The following TNFRSF1A variants were observed in gnomAD, a reference collection of about 807,000 sequenced individuals.
TNFRSF1A encodes the protein TNF receptor superfamily member 1A, also known as tumor necrosis factor receptor superfamily member 1A.
Under a neutral mutation model 41.6 loss-of-function variants are expected in TNFRSF1A, and 9 were observed. The observed-to-expected ratio is 0.22, with a 90% confidence interval of 0.13 to 0.38. The LOEUF (loss-of-function observed/expected upper bound fraction) is 0.38. Ranked by LOEUF, TNFRSF1A falls within the 10% of genes least tolerant of loss-of-function variation. The pLI, the probability that TNFRSF1A is intolerant of heterozygous loss-of-function variation, is 1.00. For missense variants in TNFRSF1A, 463 were observed against 591.5 expected, an observed-to-expected ratio of 0.78 and a Z score of 2.25; for synonymous variants, 254 against 248.6, an observed-to-expected ratio of 1.02 and a Z score of -0.21.
Position 6,337,213 on chromosome 12 carries a change from TCAG to T in TNFRSF1A, c.40-2972_40-2970del, listed in dbSNP as rs1467720115. Reference sequence around the variant, plus strand: ...CAGCTGGCCCCAGTAAGCCCAGTCCTCAGCAGTTGCGTAAATGAAGCAAAACAG... The same window carrying T: ...CAGCTGGCCCCAGTAAGCCCAGTCCTCAGTTGCGTAAATGAAGCAAAACAG... On this transcript the variant is annotated intron_variant, in intron 1 of 9. Coordinates refer to ENST00000162749, the MANE Select transcript of TNFRSF1A (RefSeq NM_001065.4). The surrounding 1 kb of genome is among the most constrained non-coding windows in gnomAD (Gnocchi z 4.6). Among the ~76,000 whole-genome samples, 20 of 152,314 alleles carry T rather than the reference TCAG, an allele frequency of 1.3e-4. No individual in the cohort carries two copies. Among genetic ancestry groups the T allele is most frequent in the African/African-American group, 4.6e-4 (19 of 41,562 alleles).
rs1224128146 is a variant in TNFRSF1A at position 6,330,036 on chromosome 12, G to C, written c.799C>G (p.Leu267Val). 1.9e-6 allele frequency: 3 copies of C among 1,612,766 alleles called. No homozygotes were observed. The African/African-American group carries it at 4.0e-5, about 22-fold the overall frequency. Residue 267 changes from leucine to valine, a missense_variant, in exon 9 of 10, where the codon CTG becomes GTG. This residue lies in a region of TNFRSF1A where 277 missense variants were observed against 288.8 expected (regional missense o/e 0.96). Transcript: ENST00000162749. ...GELEGTTTKP[L>V]APNPSFSPTP... ...GGACTGAAGCTTGGGTTTGGGGCCA[G>C]GGGCTTAGTAGTAGTTCCTTCAAGC...
In TNFRSF1A at chr12:6,330,165, G is replaced by A. The variant is rs932483397; in HGVS notation, c.769-99C>T. 98 of 1,610,994 alleles carry A rather than the reference G, an allele frequency of 6.1e-5. No homozygotes were observed. The African/African-American group carries it at 9.6e-4, about 16-fold the overall frequency. On this transcript the variant is annotated intron_variant, in intron 8 of 9. Transcript: ENST00000162749. ...GGTTGGGACTTAGAGGGAATGAGGC[G>A]AGCCCCCGGAAAGTGAAGGATGATT... is the stretch of plus-strand genomic sequence containing the variant.
chr12:6,339,454 A>C (rs1359104615), intron 1 of TNFRSF1A, among the ~76,000 whole-genome samples: 1 of 152,160 alleles, frequency 6.6e-6, no homozygotes. Context: ...AGTCAAAGAC[A>C]GTCAGTTGTA....
chr12:6,329,204 G>T lies in TNFRSF1A; in HGVS notation c.*108C>A. 8.9e-7 allele frequency: 1 copy of T among 1,123,010 alleles called. No individual in the cohort carries two copies. The highest frequency in any genetic ancestry group is 1.2e-6 in the Non-Finnish European group (1 of 829,844). 69.6% of individuals were successfully genotyped at this position (1,123,010 alleles called of 1,614,324 possible). On this transcript the variant is annotated 3_prime_UTR_variant, in exon 10 of 10. Transcript: ENST00000162749. ...TCGAGGGGTTAGCACCAAGTAGGCG[G>T]CTGCTAGCTCCTGCTTGCCCCTGCA...
At position 6,333,953 on chromosome 12, in the gene TNFRSF1A, G is replaced by T; in HGVS notation, c.194-88C>A. ...GGACAACAGCCAGGGCCGATTCCCT[G>T]AAGTCTCTAGGAGAGGAGGGAGGGA... is the stretch of plus-strand genomic sequence containing the variant. On this transcript the variant is annotated intron_variant, in intron 2 of 9. Transcript: ENST00000162749. The surrounding 1 kb of genome is among the most constrained non-coding windows in gnomAD (Gnocchi z 6.3). 6.2e-7 allele frequency: 1 copy of T among 1,608,156 alleles called. No homozygotes were observed. The highest frequency in any genetic ancestry group is 8.5e-7 in the Non-Finnish European group (1 of 1,176,610).
rs2136817715 is a variant in TNFRSF1A, at chr12:6,330,847, C to T, written c.625+6G>A. ...TGAGCATGGGCACCAGGTCACTTCT[C>T]CTCACCTGAGTCCTCAGTGCCCTTA... On this transcript the variant is annotated splice_donor_region_variant and intron_variant, in intron 6 of 9. Coordinates refer to ENST00000162749, the MANE Select transcript of TNFRSF1A (RefSeq NM_001065.4). 6.2e-7 allele frequency: 1 copy of T among 1,613,452 alleles called. No homozygotes were observed. The highest frequency in any genetic ancestry group is 1.1e-5 in the South Asian group (1 of 91,058).
At chr12:6,336,622 G>A (rs752397941) in intron 1 of TNFRSF1A, among the ~76,000 whole-genome samples, 1 of 150,528 alleles carries the variant, frequency 6.6e-6, no homozygotes, top group East Asian at 2.0e-4. Flanking sequence ...ATTCCATCCC[G>A]AAGGGAAGTC....
chr12:6,329,292 C>G lies in TNFRSF1A; in HGVS notation c.*20G>C, dbSNP rs1291208830. The G allele has an allele frequency of 8.2e-6, 12 of 1,455,296 alleles. No individual in the cohort carries two copies. In the South Asian group the frequency reaches 1.6e-4, roughly 19 times the overall value. The allele number at this position is 1,455,296 out of a possible 1,614,324, so 90.1% of individuals were successfully genotyped here. A position where few individuals can be genotyped will look rare whatever the true frequency, so the allele number is the denominator to read the frequency against. The stretch of plus-strand genomic sequence containing the variant: ...CGATCTCGCAGGACGGTCCTTAGAG[C>G]TGCCCGCAGGGGCGCAGCCTCATCT... On this transcript the variant is annotated 3_prime_UTR_variant, in exon 10 of 10. Coordinates refer to ENST00000162749, the MANE Select transcript of TNFRSF1A (RefSeq NM_001065.4).
At chr12:6,331,302 C>G in intron 5 of TNFRSF1A, 1 of 349,186 alleles carries the variant, frequency 2.9e-6, no homozygotes, top group Non-Finnish European at 5.6e-6. Context: ...CATTATGCCT[C>G]ATTTAATAAG....
chr12:6,334,876 T>C lies in TNFRSF1A; in HGVS notation c.40-632A>G, dbSNP rs4149583. On this transcript the variant is annotated intron_variant, in intron 1 of 9. Coordinates refer to ENST00000162749, the MANE Select transcript of TNFRSF1A (RefSeq NM_001065.4). The surrounding 1 kb of genome is among the most constrained non-coding windows in gnomAD (Gnocchi z 5.1). ...AGATGTTGAAAGGATGTGTTTTTGA[T>C]TGGGAATTGGCAGGTTACTTCAGTG... Among the ~76,000 whole-genome samples the C allele has an allele frequency of 1.9e-4, 29 of 152,174 alleles. No homozygotes were observed. Among genetic ancestry groups the C allele is most frequent in the Admixed American group, 2.6e-4 (4 of 15,272 alleles).
intron 1 of TNFRSF1A, among the ~76,000 whole-genome samples, chr12:6,335,092 G>A (rs1948103561): frequency 6.6e-6 from 1 of 152,168 alleles, no homozygotes; most frequent in Non-Finnish European, 1.5e-5. Context: ...GGCGAGTGAT[G>A]TTCCCGTGAG....
In TNFRSF1A at chr12:6,333,891, CT is replaced by C. The variant is rs1565468272; in HGVS notation, c.194-27del. The C allele has an allele frequency of 6.2e-7, 1 of 1,601,396 alleles. No homozygotes were observed. Among genetic ancestry groups the C allele is most frequent in the Non-Finnish European group, 8.5e-7 (1 of 1,173,318 alleles). ...CTGTGAATGGGGCCGCAGAGTTAGG[CT>C]GCGGGTGAGAACACAAGGAAGGAGC... is the stretch of plus-strand genomic sequence containing the variant. On this transcript the variant is annotated intron_variant, in intron 2 of 9. Transcript: ENST00000162749. The surrounding 1 kb of genome is among the most constrained non-coding windows in gnomAD (Gnocchi z 6.3).
rs543505542 is a variant in TNFRSF1A, at chr12:6,341,859, A to T, written c.-45T>A. ...TCACTCCCCCATTTGGGCTCAGGGC[A>T]GTGTGGCAGCGGCAGTGCTGGGGCT... On this transcript the variant is annotated 5_prime_UTR_variant, in exon 1 of 10. Transcript: ENST00000162749. This position sits in a 1 kb window ranked among gnomAD's most constrained non-coding sequence, Gnocchi z 4.6. 6.2e-7 allele frequency: 1 copy of T among 1,612,456 alleles called. No homozygotes were observed. The highest frequency in any genetic ancestry group is 8.5e-7 in the Non-Finnish European group (1 of 1,178,848).
chr12:6,330,871 T>C lies in TNFRSF1A; in HGVS notation c.607A>G (p.Lys203Glu), dbSNP rs2136817744. The change falls in exon 6 of 10, where the codon AAG (lysine) becomes GAG (glutamate). Residue 203 changes from lysine to glutamate, a missense_variant. Around this residue, in one of 4 missense-constraint regions of TNFRSF1A, gnomAD observed 149 missense variants for 239.4 expected, o/e 0.62. Transcript: ENST00000162749. Reference sequence around the variant, plus strand: ...TCCTCACCTGAGTCCTCAGTGCCCTTAACATTCTCAATCTGGGGTAGGCAC... The same window carrying C: ...TCCTCACCTGAGTCCTCAGTGCCCTCAACATTCTCAATCTGGGGTAGGCAC... ...KLCLPQIENV[K>E]GTEDSGTTVL... is the part of the protein sequence containing the mutation. 6.2e-7 allele frequency: 1 copy of C among 1,613,752 alleles called. No individual in the cohort carries two copies. Among genetic ancestry groups the C allele is most frequent in the Non-Finnish European group, 8.5e-7 (1 of 1,180,012 alleles).
At position 6,337,466 on chromosome 12, in the gene TNFRSF1A, C is replaced by A. The variant is rs889198721; in HGVS notation, c.40-3222G>T. Among the ~76,000 whole-genome samples, 5 of 152,194 alleles carry A rather than the reference C, an allele frequency of 3.3e-5. No homozygotes were observed. The highest frequency in any genetic ancestry group is 3.3e-4 in the Admixed American group (5 of 15,280). ...TTGTGGTCTGACCCCGATCCAGCCACCTTGCAGGGACCCAATTAGTCTTCC... is the reference window on the plus strand; with the variant it reads ...TTGTGGTCTGACCCCGATCCAGCCAACTTGCAGGGACCCAATTAGTCTTCC... On this transcript the variant is annotated intron_variant, in intron 1 of 9. Coordinates refer to ENST00000162749, the MANE Select transcript of TNFRSF1A (RefSeq NM_001065.4). The surrounding 1 kb of genome is among the most constrained non-coding windows in gnomAD (Gnocchi z 4.6).
At chr12:6,332,041 T>G in intron 5 of TNFRSF1A, 1 of 164,306 alleles carries the variant, frequency 6.1e-6, no homozygotes, top group Non-Finnish European at 1.2e-5. Flanking sequence ...TAATGGAAAA[T>G]AAATAGTTTT....
Position 6,341,675 on chromosome 12 carries a change from G to C in TNFRSF1A, c.39+101C>G, listed in dbSNP as rs536732542. Reference sequence around the variant, plus strand: ...AGGCCTGAGGCTGGCGCCAGGACCAGGCCCGGGCAGGAGAGGCTCGGCCCC... The same window carrying C: ...AGGCCTGAGGCTGGCGCCAGGACCACGCCCGGGCAGGAGAGGCTCGGCCCC... On this transcript the variant is annotated intron_variant, in intron 1 of 9. Transcript: ENST00000162749. The surrounding 1 kb of genome is among the most constrained non-coding windows in gnomAD (Gnocchi z 4.6). 3 of 1,414,038 alleles carry C rather than the reference G, an allele frequency of 2.1e-6. No individual in the cohort carries two copies. The South Asian group carries it at 3.5e-5, about 17-fold the overall frequency. 87.6% of individuals were successfully genotyped at this position (1,414,038 alleles called of 1,614,324 possible).
At chr12:6,331,514 C>G (rs1948049531) in intron 5 of TNFRSF1A, 1 of 205,208 alleles carries the variant, frequency 4.9e-6, no homozygotes, top group African/African-American at 2.3e-5. Context: ...CCAGAGAGCA[C>G]CCTGTAGAAC....
intron 1 of TNFRSF1A, among the ~76,000 whole-genome samples, chr12:6,336,071 C>A (rs1423625617): frequency 2.6e-5 from 4 of 152,168 alleles, no homozygotes; most frequent in Middle Eastern, 3.2e-3. Context: ...GGTTCCTTTC[C>A]CCGAAGAAGC....
Sources: gnomAD v4.1 joint callset for allele counts (sites outside exome capture counted in the v4.1 genomes callset) on GRCh38, gnomAD v4.1.1 for gene constraint, gnomAD v4.1.1 regional missense constraint, Gnocchi (gnomAD v3.1) non-coding constraint, MANE v1.5 for transcripts, NCBI Gene and HGNC (gene_info 2026-07-23, HGNC 2026-07-21) for gene names.